Variants in FAM13A observed in about 807,000 individuals in gnomAD.
The protein encoded by FAM13A is family with sequence similarity 13 member A, also known as protein FAM13A.
FAM13A carries 76 observed loss-of-function variants against 129.6 expected under a neutral mutation model. The ratio of observed to expected loss-of-function variants is 0.59; its 90% CI spans 0.49 to 0.71. FAM13A has a LOEUF of 0.71. Ranked by LOEUF, FAM13A falls within the 30% of genes least tolerant of loss-of-function variation. The probability of loss-of-function intolerance (pLI) is 0.00; values close to 1 mark genes in which losing one functional copy is unlikely to be tolerated. For synonymous variants in FAM13A, 443 were observed against 449.9 expected (o/e 0.98, Z 0.20); for missense variants, 1,108 against 1,249.3 (o/e 0.89, Z 1.70).
intron 1 of FAM13A, among the ~76,000 whole-genome samples, chr4:89,054,477 C>A (rs1771982984): frequency 6.6e-6 from 1 of 152,090 alleles, no homozygotes; most frequent in Non-Finnish European, 1.5e-5. Context: ...CTTTGGCATG[C>A]TGGGTATTTT....
intron 5 of FAM13A, among the ~76,000 whole-genome samples, chr4:88,932,607 A>G (rs1224920900): frequency 6.6e-6 from 1 of 152,212 alleles, no homozygotes; most frequent in Non-Finnish European, 1.5e-5. Flanking sequence ...AAATGGAGAC[A>G]CATGCAATGT....
chr4:89,005,183 G>C (rs905697494), intron 3 of FAM13A, among the ~76,000 whole-genome samples: 1 of 152,102 alleles, frequency 6.6e-6, no homozygotes, highest in African/African-American at 2.4e-5. Flanking sequence ...TTTCTGTTTC[G>C]ATGTTAGTTT....
At chr4:89,000,342 C>G (rs924841328) in intron 3 of FAM13A, among the ~76,000 whole-genome samples, 1 of 152,034 alleles carries the variant, frequency 6.6e-6, no homozygotes, top group African/African-American at 2.4e-5. Flanking sequence ...TATTAACCAG[C>G]CATAGGAATG....
At chr4:88,760,267 G>T (rs531843222) in intron 13 of FAM13A, among the ~76,000 whole-genome samples, 16 of 152,284 alleles carry the variant, frequency 1.1e-4, no homozygotes, top group South Asian at 2.1e-4. Flanking sequence ...GGGATAAAAT[G>T]AAATACCATC....
intron 4 of FAM13A, among the ~76,000 whole-genome samples, chr4:88,960,279 A>G (rs970237899): frequency 2.0e-5 from 3 of 152,206 alleles, no homozygotes; most frequent in African/African-American, 7.2e-5. Flanking sequence ...TTGCTTTATT[A>G]AAAAATAACA....
intron 5 of FAM13A, among the ~76,000 whole-genome samples, chr4:88,933,640 TAC>T (rs1400558018): frequency 1.3e-5 from 2 of 152,068 alleles, no homozygotes; most frequent in Non-Finnish European, 2.9e-5. Flanking sequence ...TTAGCCTAAC[TAC>T]AGTCTCTAGT....
intron 1 of FAM13A, among the ~76,000 whole-genome samples, chr4:89,055,624 T>C (rs1339293633): frequency 6.6e-6 from 1 of 152,126 alleles, no homozygotes; most frequent in Non-Finnish European, 1.5e-5. Context: ...ACATTTTCAG[T>C]TCTGTATTGT....
chr4:88,812,774 A>G (rs1190913021), intron 7 of FAM13A, among the ~76,000 whole-genome samples: 1 of 152,212 alleles, frequency 6.6e-6, no homozygotes, highest in South Asian at 2.1e-4. Context: ...GCACCTAGCT[A>G]GGTACCAAGA....
chr4:88,972,986 T>A (rs912781993), intron 4 of FAM13A, among the ~76,000 whole-genome samples: 1 of 152,212 alleles, frequency 6.6e-6, no homozygotes, highest in Non-Finnish European at 1.5e-5. Flanking sequence ...AAATATTTTA[T>A]CCACACTCTT....
intron 7 of FAM13A, among the ~76,000 whole-genome samples, chr4:88,808,393 G>T (rs921743012): frequency 2.6e-5 from 4 of 152,126 alleles, no homozygotes; most frequent in Admixed American, 2.6e-4. Context: ...GCTGTACAAA[G>T]ATATTGTACT....
rs1578469997 is a variant in FAM13A at position 88,747,684 on chromosome 4, G to A, written c.2329C>T (p.Gln777Ter). Residue 777 changes from glutamine to a stop codon, truncating the protein, a stop_gained, in exon 18 of 24, where the codon CAG becomes TAG. Coordinates refer to ENST00000264344, the MANE Select transcript of FAM13A (RefSeq NM_014883.4). LOFTEE classifies it high-confidence loss of function. ...PSVEATLESI[Q>*]RKLQEKRAES... ...GCTCGCTTCTCCTGGAGCTTCCTCT[G>A]AATAGATTCCAATGTGGCTTCAACA... is the stretch of plus-strand genomic sequence containing the variant. 1.9e-6 allele frequency: 3 copies of A among 1,614,170 alleles called. No individual in the cohort carries two copies. The highest frequency in any genetic ancestry group is 2.5e-6 in the Non-Finnish European group (3 of 1,180,038).
chr4:88,916,695 T>C (rs1415527418), intron 5 of FAM13A, among the ~76,000 whole-genome samples: 24 of 152,242 alleles, frequency 1.6e-4, no homozygotes, highest in Admixed American at 1.6e-3. Context: ...AAAGTTTGTA[T>C]GGCTTGCTCC....
chr4:88,976,835 G>A (rs1416210415), intron 4 of FAM13A, among the ~76,000 whole-genome samples: 1 of 151,902 alleles, frequency 6.6e-6, no homozygotes, highest in East Asian at 1.9e-4. Flanking sequence ...CCTTTTCTTT[G>A]TTTAGATATG....
chr4:88,958,723 C>T (rs1758155393), intron 4 of FAM13A, among the ~76,000 whole-genome samples: 1 of 152,190 alleles, frequency 6.6e-6, no homozygotes. Flanking sequence ...CGACAGAGTC[C>T]CCACTAGGGC....
intron 19 of FAM13A, among the ~76,000 whole-genome samples, chr4:88,745,299 T>C (rs1285147214): frequency 6.6e-6 from 1 of 152,118 alleles, no homozygotes; most frequent in African/African-American, 2.4e-5. Context: ...CTAATCTCAG[T>C]GGGGCTGGGT....
At chr4:88,821,356 A>T (rs192185227) in intron 7 of FAM13A, among the ~76,000 whole-genome samples, 56 of 152,348 alleles carry the variant, frequency 3.7e-4, no homozygotes, top group African/African-American at 1.2e-3. Context: ...AAGAAACAAA[A>T]GTAGCAACTC....
intron 7 of FAM13A, among the ~76,000 whole-genome samples, chr4:88,836,444 A>G (rs529927716): frequency 1.9e-4 from 29 of 152,344 alleles, no homozygotes; most frequent in Admixed American, 6.5e-4. Flanking sequence ...TGCAAGGTAT[A>G]AAAATTGTCA....
intron 3 of FAM13A, among the ~76,000 whole-genome samples, chr4:89,009,834 G>C (rs1169754747): frequency 6.6e-6 from 1 of 152,170 alleles, no homozygotes; most frequent in Non-Finnish European, 1.5e-5. Flanking sequence ...CGGTCTGTTG[G>C]TCTTGCAAGG....
intron 8 of FAM13A, among the ~76,000 whole-genome samples, chr4:88,801,687 C>CACATTAA (rs1727485869): frequency 6.6e-6 from 1 of 152,134 alleles, no homozygotes; most frequent in South Asian, 2.1e-4. Context: ...TTTGATAAAG[C>CACATTAA]ACATTAAACA....
Sources: gnomAD v4.1 joint callset for allele counts (sites outside exome capture counted in the v4.1 genomes callset) on GRCh38, gnomAD v4.1.1 for gene constraint, MANE v1.5 for transcripts, NCBI Gene and HGNC (gene_info 2026-07-23, HGNC 2026-07-21) for gene names.